SGCZ: variants seen among roughly 807,000 people sequenced by gnomAD.
SGCZ encodes sarcoglycan zeta.
Under a neutral mutation model 41.3 loss-of-function variants are expected in SGCZ, and 40 were observed. The observed-to-expected ratio is 0.97, with a 90% CI of 0.75 to 1.26. SGCZ has a LOEUF of 1.26. Among genes scored for constraint, SGCZ ranks in the 50% most tolerant of loss-of-function variants. The probability of loss-of-function intolerance (pLI) is 0.00; values close to 1 mark genes in which losing one functional copy is unlikely to be tolerated. For synonymous variants in SGCZ, 206 were observed against 137.5 expected (o/e 1.50, Z -3.49); for missense variants, 552 against 369.8 (o/e 1.49, Z -4.04).
At chr8:14,497,226 TAC>T (rs1399599765) in intron 2 of SGCZ, among the ~76,000 whole-genome samples, 2 of 152,178 alleles carry the variant, frequency 1.3e-5, no homozygotes, top group African/African-American at 4.8e-5. Context: ...CTGCAAGCTG[TAC>T]AGGGAGCATG....
At chr8:14,615,902 C>G (rs1806084478) in intron 1 of SGCZ, among the ~76,000 whole-genome samples, 1 of 152,146 alleles carries the variant, frequency 6.6e-6, no homozygotes, top group Non-Finnish European at 1.5e-5. Context: ...CTATCTCATT[C>G]CACTTTACTC....
At chr8:14,783,095 G>GA (rs1372587529) in intron 1 of SGCZ, among the ~76,000 whole-genome samples, 1 of 152,066 alleles carries the variant, frequency 6.6e-6, no homozygotes, top group African/African-American at 2.4e-5. Context: ...TCTAATCATA[G>GA]AAAATTGCAA....
At chr8:14,277,560 C>A (rs534049181) in intron 3 of SGCZ, among the ~76,000 whole-genome samples, 1 of 151,990 alleles carries the variant, frequency 6.6e-6, no homozygotes, top group Non-Finnish European at 1.5e-5. Flanking sequence ...TGGATAATTG[C>A]AAAGTCAATG....
chr8:14,322,843 A>C (rs1177186159), intron 3 of SGCZ, among the ~76,000 whole-genome samples: 1 of 152,182 alleles, frequency 6.6e-6, no homozygotes, highest in Non-Finnish European at 1.5e-5. Context: ...ATAACTGTCA[A>C]AGATGGTGAC....
intron 2 of SGCZ, among the ~76,000 whole-genome samples, chr8:14,495,587 T>C (rs1014942196): frequency 6.6e-6 from 1 of 152,146 alleles, no homozygotes; most frequent in Admixed American, 6.5e-5. Context: ...TATTATGCAT[T>C]TTACATATAT....
intron 1 of SGCZ, among the ~76,000 whole-genome samples, chr8:15,151,580 C>A (rs1194579553): frequency 1.3e-5 from 2 of 152,108 alleles, no homozygotes; most frequent in African/African-American, 2.4e-5. Flanking sequence ...ATATAGAAAT[C>A]TGAATACATT....
chr8:15,004,914 C>G (rs1483592674), intron 1 of SGCZ, among the ~76,000 whole-genome samples: 1 of 152,184 alleles, frequency 6.6e-6, no homozygotes, highest in Non-Finnish European at 1.5e-5. Context: ...ACCACTGCCA[C>G]ACCTCCACCC....
intron 2 of SGCZ, among the ~76,000 whole-genome samples, chr8:14,551,493 A>G (rs1012033311): frequency 2.2e-3 from 2 of 914 alleles, no homozygotes; most frequent in Admixed American, 0.029. Context: ...TATATATTAT[A>G]TATATTATAT....
chr8:14,919,995 C>A, intron 1 of SGCZ, among the ~76,000 whole-genome samples: 1 of 152,106 alleles, frequency 6.6e-6, no homozygotes, highest in Non-Finnish European at 1.5e-5. Flanking sequence ...TCGTTGCATG[C>A]AGGCTCACCA....
chr8:14,372,749 G>C (rs1352126220), intron 2 of SGCZ, among the ~76,000 whole-genome samples: 2 of 152,070 alleles, frequency 1.3e-5, no homozygotes, highest in Non-Finnish European at 2.9e-5. Context: ...AGCCTGCTTG[G>C]AGTATCCGAG....
intron 5 of SGCZ, among the ~76,000 whole-genome samples, chr8:14,127,449 T>C (rs1802896820): frequency 6.6e-6 from 1 of 152,118 alleles, no homozygotes; most frequent in African/African-American, 2.4e-5. Context: ...TTTATTCATT[T>C]TTATTTCTAT....
chr8:14,134,835 T>G (rs371019540), intron 5 of SGCZ, among the ~76,000 whole-genome samples: 2 of 150,288 alleles, frequency 1.3e-5, no homozygotes, highest in East Asian at 3.9e-4. Flanking sequence ...TTGCCTGGCT[T>G]GTGAGCTCAG....
intron 1 of SGCZ, among the ~76,000 whole-genome samples, chr8:14,789,772 A>G (rs972361209): frequency 2.6e-5 from 4 of 152,154 alleles, no homozygotes; most frequent in Non-Finnish European, 4.4e-5. Flanking sequence ...TAGACCAGTT[A>G]GTCCAACTAT....
rs971418318 is a variant in SGCZ at position 14,348,660 on chromosome 8, A to T, written c.235-24456T>A. Among the ~76,000 whole-genome samples, 6 of 152,158 alleles carry T rather than the reference A, an allele frequency of 3.9e-5. No homozygotes were observed. The South Asian group carries it at 1.2e-3, about 31-fold the overall frequency. On this transcript the variant is annotated intron_variant, in intron 2 of 7. Coordinates refer to ENST00000382080, the MANE Select transcript of SGCZ (RefSeq NM_139167.4). ...ATATAAGGTATGGCTTATTCTCCCA[A>T]GGAACGCACATTATAGTTGGAAAGA...
chr8:14,782,626 T>C lies in SGCZ; in HGVS notation c.40-227700A>G, dbSNP rs543314675. On this transcript the variant is annotated intron_variant, in intron 1 of 7. Transcript: ENST00000382080. The stretch of plus-strand genomic sequence containing the variant: ...CTATAAACATGAATAAACAATCCAG[T>C]TGTGACTCAGATTGAGGGAAGATAA... Among the ~76,000 whole-genome samples, 3 of 152,162 alleles carry C rather than the reference T, an allele frequency of 2.0e-5. No individual in the cohort carries two copies. In the South Asian group the frequency reaches 6.2e-4, roughly 32 times the overall value.
intron 5 of SGCZ, 111 bp downstream of exon 5, chr8:14,164,469 G>T (rs916511209): frequency 6.8e-6 from 9 of 1,316,376 alleles, no homozygotes; most frequent in African/African-American, 4.4e-5. Context: ...TTGTGATTAT[G>T]TAAGACTCTA....
At chr8:15,172,440 T>C (rs942642462) in intron 1 of SGCZ, among the ~76,000 whole-genome samples, 9 of 152,066 alleles carry the variant, frequency 5.9e-5, no homozygotes, top group African/African-American at 2.2e-4. Flanking sequence ...GTCTATTTTT[T>C]ATAAAATAGA....
chr8:14,912,488 G>A (rs143636722), intron 1 of SGCZ, among the ~76,000 whole-genome samples: 7 of 152,114 alleles, frequency 4.6e-5, no homozygotes, highest in African/African-American at 1.7e-4. Flanking sequence ...TATTTCCAAT[G>A]CATCATTTTA....
chr8:14,322,150 A>G (rs1186061385), intron 3 of SGCZ, among the ~76,000 whole-genome samples: 3 of 152,160 alleles, frequency 2.0e-5, no homozygotes, highest in Admixed American at 2.0e-4. Flanking sequence ...TTTGAAGTGT[A>G]TGTGCAGAGA....
Sources: gnomAD v4.1 joint callset for allele counts (sites outside exome capture counted in the v4.1 genomes callset) on GRCh38, gnomAD v4.1.1 for gene constraint, MANE v1.5 for transcripts, NCBI Gene and HGNC (gene_info 2026-07-23, HGNC 2026-07-21) for gene names.